Variants in ACOXL observed in about 807,000 individuals in gnomAD.
The protein encoded by ACOXL is acyl-coenzyme A oxidase-like protein.
A neutral mutation model predicts 71.9 loss-of-function variants in ACOXL; 70 were observed. The observed-to-expected ratio is 0.97, with a 90% CI of 0.80 to 1.19. The LOEUF (loss-of-function observed/expected upper bound fraction) is 1.19. Ranked by LOEUF, ACOXL falls within the 50% of genes most tolerant of loss-of-function variation. ACOXL has a pLI of 0.00. For synonymous variants in ACOXL, 253 were observed against 281.6 expected (o/e 0.90, Z 1.02); for missense variants, 703 against 736.3 (o/e 0.95, Z 0.52).
intron 16 of ACOXL, among the ~76,000 whole-genome samples, chr2:111,055,660 C>A (rs550294651): frequency 1.3e-5 from 2 of 152,358 alleles, no homozygotes; most frequent in East Asian, 3.9e-4. Context: ...ACCATTCAGT[C>A]ATCTGGGGCT....
intron 14 of ACOXL, among the ~76,000 whole-genome samples, chr2:111,019,413 C>T (rs1246884892): frequency 1.3e-5 from 2 of 152,200 alleles, no homozygotes; most frequent in Non-Finnish European, 2.9e-5. Context: ...ATCCAACAAT[C>T]ATTTTCTATT....
chr2:110,999,425 G>T (rs1558848519), intron 14 of ACOXL, among the ~76,000 whole-genome samples: 1 of 152,036 alleles, frequency 6.6e-6, no homozygotes, highest in Non-Finnish European at 1.5e-5. Flanking sequence ...ACTACCAGTT[G>T]GCAATATTAA....
chr2:110,821,964 TGTGA>T (rs1043883648), intron 9 of ACOXL, among the ~76,000 whole-genome samples: 10 of 152,072 alleles, frequency 6.6e-5, no homozygotes, highest in Non-Finnish European at 1.2e-4. Flanking sequence ...TGAGTGTGTG[TGTGA>T]GTGTGTGCGT....
intron 13 of ACOXL, among the ~76,000 whole-genome samples, chr2:110,995,218 G>A (rs1042612814): frequency 6.6e-6 from 1 of 151,692 alleles, no homozygotes; most frequent in Non-Finnish European, 1.5e-5. Flanking sequence ...GTATAATGGG[G>A]GCCAGGCACA....
At chr2:110,794,247 G>A in intron 5 of ACOXL, 73 bp downstream of exon 5, 2 of 1,430,314 alleles carry the variant, frequency 1.4e-6, no homozygotes, top group African/African-American at 1.4e-5. Flanking sequence ...CCTTCTTTCT[G>A]TGTCCAGCTT....
rs973633535 is a variant in ACOXL at position 111,027,395 on chromosome 2, C to A, written c.1282-4232C>A. On this transcript the variant is annotated intron_variant, in intron 14 of 17. Transcript: ENST00000439055. ...GGAGTGCAGTGCCATGATCTCGGCTCACTACAACCTCCACCTCCTGTGTTC... is the reference window on the plus strand; with the variant it reads ...GGAGTGCAGTGCCATGATCTCGGCTAACTACAACCTCCACCTCCTGTGTTC... 2.0e-5 allele frequency among the ~76,000 whole-genome samples: 3 copies of A among 151,630 alleles called. No individual in the cohort carries two copies. The South Asian group carries it at 6.2e-4, about 32-fold the overall frequency.
intron 15 of ACOXL, among the ~76,000 whole-genome samples, chr2:111,032,174 T>C (rs1016897765): frequency 2.6e-5 from 4 of 152,162 alleles, no homozygotes; most frequent in African/African-American, 9.7e-5. Context: ...AGCAAGAAAC[T>C]GGGTCAACCT....
intron 12 of ACOXL, chr2:110,968,378 G>T: frequency 8.6e-7 from 1 of 1,165,882 alleles, no homozygotes; most frequent in Non-Finnish European, 1.3e-6. Flanking sequence ...TGATTCCCTG[G>T]TTATGATTCT....
At chr2:110,766,436 A>C (rs1424811158) in intron 1 of ACOXL, among the ~76,000 whole-genome samples, 1 of 152,132 alleles carries the variant, frequency 6.6e-6, no homozygotes, top group Admixed American at 6.5e-5. Context: ...TCCCCTCTTG[A>C]ATCTCATGAC....
At chr2:111,010,265 T>C (rs1377391617) in intron 14 of ACOXL, among the ~76,000 whole-genome samples, 4 of 152,030 alleles carry the variant, frequency 2.6e-5, no homozygotes, top group African/African-American at 7.2e-5. Context: ...TGTTGAACGA[T>C]ATGAAAAAGG....
chr2:110,766,442 A>G (rs1183149537), intron 1 of ACOXL, among the ~76,000 whole-genome samples: 3 of 152,168 alleles, frequency 2.0e-5, no homozygotes, highest in Admixed American at 2.0e-4. Flanking sequence ...CTTGAATCTC[A>G]TGACCTCAGT....
chr2:110,788,154 T>G (rs1684216459), intron 3 of ACOXL, among the ~76,000 whole-genome samples: 1 of 152,102 alleles, frequency 6.6e-6, no homozygotes, highest in African/African-American at 2.4e-5. Flanking sequence ...CCCAAATAAT[T>G]GAAAGTAGGG....
At chr2:110,847,348 A>G (rs184958029) in intron 10 of ACOXL, among the ~76,000 whole-genome samples, 2 of 152,272 alleles carry the variant, frequency 1.3e-5, no homozygotes, top group Non-Finnish European at 1.5e-5. Flanking sequence ...TTTGGCTCTC[A>G]CTTGTCTGAT....
At chr2:111,036,073 A>T (rs2065496741) in intron 15 of ACOXL, among the ~76,000 whole-genome samples, 1 of 152,234 alleles carries the variant, frequency 6.6e-6, no homozygotes, top group Admixed American at 6.5e-5. Context: ...TAAATCCAAG[A>T]TCATGAAGGA....
At chr2:110,914,386 A>G (rs1234236691) in intron 11 of ACOXL, among the ~76,000 whole-genome samples, 1 of 152,200 alleles carries the variant, frequency 6.6e-6, no homozygotes, top group Non-Finnish European at 1.5e-5. Context: ...CAGGTGTTCA[A>G]TTTATCTAAG....
chr2:111,037,301 G>C (rs1272002088), intron 15 of ACOXL, among the ~76,000 whole-genome samples: 3 of 152,202 alleles, frequency 2.0e-5, no homozygotes, highest in South Asian at 4.1e-4. Context: ...GAAGAAAGCT[G>C]TCTTTAGAGA....
At chr2:110,965,061 G>A (rs178903) in intron 12 of ACOXL, among the ~76,000 whole-genome samples, 108,105 of 152,000 alleles carry the variant, frequency 0.71, 38,609 homozygotes, top group East Asian at 0.89. Context: ...CCCATATATG[G>A]GTAAGAACAT....
chr2:111,038,348 CAAAATAAAATAA>C (rs140906771), intron 15 of ACOXL, among the ~76,000 whole-genome samples: 10,206 of 152,214 alleles, frequency 0.067, 397 homozygotes, highest in East Asian at 0.19. Flanking sequence ...TCTAAAGAAG[CAAAATAAAATAA>C]AAAATAAAAT....
intron 12 of ACOXL, among the ~76,000 whole-genome samples, chr2:110,958,716 G>A (rs2061593437): frequency 6.6e-6 from 1 of 152,322 alleles, no homozygotes; most frequent in Admixed American, 6.5e-5. Context: ...TGGAGAGCAT[G>A]AAATGCAGGT....
Sources: allele counts gnomAD v4.1 joint callset (sites outside exome capture counted in the v4.1 genomes callset), GRCh38; gene constraint gnomAD v4.1.1; transcripts MANE v1.5; gene names NCBI Gene and HGNC (gene_info 2026-07-23, HGNC 2026-07-21).